FMN2: variants seen among roughly 807,000 people sequenced by gnomAD.
FMN2 encodes the protein formin 2, also known as formin-2.
In FMN2, 51 loss-of-function variants were observed where a neutral mutation model predicts 142.3. The ratio of observed to expected loss-of-function variants is 0.36; its 90% CI spans 0.29 to 0.45. The LOEUF (loss-of-function observed/expected upper bound fraction) is 0.45. Among genes scored for constraint, FMN2 ranks in the 20% least tolerant of loss-of-function variants. The probability of loss-of-function intolerance (pLI) is 1.00; values close to 1 mark genes in which losing one functional copy is unlikely to be tolerated. For missense variants in FMN2, 1,936 were observed against 2,122.8 expected (o/e 0.91, Z 1.73); for synonymous variants, 882 against 869.8 (o/e 1.01, Z -0.25).
At chr1:240,183,505 AATATTAT>A (rs1269380040) in intron 3 of FMN2, among the ~76,000 whole-genome samples, 8 of 148,686 alleles carry the variant, frequency 5.4e-5, no homozygotes, top group South Asian at 2.1e-4. Context: ...TAATATATTG[AATATTAT>A]ATATTACATA....
intron 2 of FMN2, among the ~76,000 whole-genome samples, chr1:240,162,475 G>C (rs2103295028): frequency 6.6e-6 from 1 of 152,114 alleles, no homozygotes; most frequent in South Asian, 2.1e-4. Context: ...AAAAAAGAAA[G>C]CAAAAGCTAG....
chr1:240,472,712 C>A (rs187618396), intron 17 of FMN2, among the ~76,000 whole-genome samples: 1 of 151,724 alleles, frequency 6.6e-6, no homozygotes. Context: ...TTTGGGAGGC[C>A]GAGGTGGGCG....
chr1:240,203,512 C>T (rs1666209886), intron 4 of FMN2, among the ~76,000 whole-genome samples: 1 of 152,172 alleles, frequency 6.6e-6, no homozygotes. Context: ...TTTGCAGCGA[C>T]ATGGATGGAG....
intron 2 of FMN2, among the ~76,000 whole-genome samples, chr1:240,176,710 TAA>T (rs1664931442): frequency 6.6e-6 from 1 of 152,240 alleles, no homozygotes; most frequent in Admixed American, 6.5e-5. Flanking sequence ...TTCAGTATGC[TAA>T]ATAGCGCAGT....
intron 3 of FMN2, among the ~76,000 whole-genome samples, chr1:240,185,277 G>T (rs1482576753): frequency 6.6e-6 from 1 of 150,748 alleles, no homozygotes; most frequent in Non-Finnish European, 1.5e-5. Flanking sequence ...TCTCCCAGTG[G>T]TTCTCATTTA....
chr1:240,175,667 G>A (rs978012080), intron 2 of FMN2, among the ~76,000 whole-genome samples: 6 of 151,868 alleles, frequency 4.0e-5, no homozygotes, highest in Non-Finnish European at 7.4e-5. Context: ...TTTTTGTAGA[G>A]ATGAGGTTTT....
chr1:240,465,330 CTGTGTGTGTGTG>C (rs58873062), intron 16 of FMN2, among the ~76,000 whole-genome samples: 17,178 of 131,486 alleles, frequency 0.13, 1,490 homozygotes, highest in East Asian at 0.23. Flanking sequence ...ATGCCTCCCT[CTGTGTGTGTGTG>C]TGTGTGTGTG....
chr1:240,128,179 G>C lies in FMN2; in HGVS notation c.1782+4834G>C, dbSNP rs181107694. On this transcript the variant is annotated intron_variant, in intron 2 of 17. Coordinates refer to ENST00000319653, the MANE Select transcript of FMN2 (RefSeq NM_020066.5). ...TTATATTGTTGACTTGTAGATCATG[G>C]TATATTTCAGTGGTCTGAAGCTAGG... Among the ~76,000 whole-genome samples, 8 of 152,256 alleles carry C rather than the reference G, an allele frequency of 5.3e-5. No homozygotes were observed. In the East Asian group the frequency reaches 9.7e-4, roughly 18 times the overall value.
At chr1:240,187,269 C>CAAAAA (rs10610560) in intron 3 of FMN2, among the ~76,000 whole-genome samples, 125 of 82,576 alleles carry the variant, frequency 1.5e-3, no homozygotes, top group Non-Finnish European at 2.1e-3. Context: ...AACTCCATCT[C>CAAAAA]AAAAAAAAAA....
chr1:240,220,617 A>C (rs996957797), intron 6 of FMN2, among the ~76,000 whole-genome samples: 2 of 152,034 alleles, frequency 1.3e-5, no homozygotes, highest in Non-Finnish European at 2.9e-5. Context: ...CGCTAACCTC[A>C]TACAGACCCA....
chr1:240,472,994 G>A (rs1288828024), intron 17 of FMN2, among the ~76,000 whole-genome samples: 1 of 151,872 alleles, frequency 6.6e-6, no homozygotes, highest in African/African-American at 2.4e-5. Flanking sequence ...TACTGAGGGT[G>A]TGCATTTATG....
chr1:240,143,362 A>G, intron 2 of FMN2: 3 of 1,467,852 alleles, frequency 2.0e-6, no homozygotes, highest in Admixed American at 1.7e-5. Context: ...CAAGTGGCCA[A>G]AGGTTCATAG....
At chr1:240,419,513 T>C (rs1303926335) in intron 15 of FMN2, among the ~76,000 whole-genome samples, 1 of 152,184 alleles carries the variant, frequency 6.6e-6, no homozygotes, top group Non-Finnish European at 1.5e-5. Context: ...GCTGTACTTT[T>C]GCCAGGATTC....
chr1:240,302,323 G>T (rs1417180759), intron 8 of FMN2, among the ~76,000 whole-genome samples: 3 of 151,878 alleles, frequency 2.0e-5, no homozygotes, highest in Admixed American at 6.6e-5. Context: ...GCTAGAAAAA[G>T]AAATTTGCAA....
At chr1:240,427,639 C>T (rs189754238) in intron 15 of FMN2, among the ~76,000 whole-genome samples, 7 of 152,116 alleles carry the variant, frequency 4.6e-5, no homozygotes, top group Non-Finnish European at 7.4e-5. Flanking sequence ...AAAATTGATT[C>T]GTTGAAGAAA....
intron 15 of FMN2, among the ~76,000 whole-genome samples, chr1:240,392,959 G>A (rs1226706110): frequency 3.3e-5 from 5 of 150,044 alleles, no homozygotes; most frequent in Non-Finnish European, 2.9e-5. Context: ...TTCATTTCCA[G>A]AATGGAGACT....
At chr1:240,270,824 C>T (rs1300912003) in intron 7 of FMN2, among the ~76,000 whole-genome samples, 1 of 151,752 alleles carries the variant, frequency 6.6e-6, no homozygotes, top group Non-Finnish European at 1.5e-5. Flanking sequence ...GTGGTGGTTA[C>T]TAGAGGCTGA....
intron 6 of FMN2, among the ~76,000 whole-genome samples, chr1:240,252,081 G>C (rs1308205870): frequency 1.3e-5 from 2 of 151,936 alleles, no homozygotes; most frequent in Admixed American, 6.6e-5. Flanking sequence ...GCTGATTTTT[G>C]TATTTTTAGT....
intron 14 of FMN2, among the ~76,000 whole-genome samples, chr1:240,368,239 A>G (rs1672747958): frequency 6.6e-6 from 1 of 152,210 alleles, no homozygotes; most frequent in African/African-American, 2.4e-5. Flanking sequence ...TAATTTAAGA[A>G]TTAAGTTGTT....
Sources: allele counts gnomAD v4.1 joint callset (sites outside exome capture counted in the v4.1 genomes callset), GRCh38; gene constraint gnomAD v4.1.1; transcripts MANE v1.5; gene names NCBI Gene and HGNC (gene_info 2026-07-23, HGNC 2026-07-21).